The following RBFOX3 variants were observed in gnomAD, a reference collection of about 807,000 sequenced individuals.
RBFOX3 encodes the protein RNA binding fox-1 homolog 3, also known as RNA binding protein fox-1 homolog 3.
Under a neutral mutation model 48.7 loss-of-function variants are expected in RBFOX3, and 17 were observed. The observed-to-expected ratio is 0.35, with a 90% CI of 0.24 to 0.52. RBFOX3 has a LOEUF of 0.52. Ranked by LOEUF, RBFOX3 falls within the 20% of genes least tolerant of loss-of-function variation. The pLI, the probability that RBFOX3 is intolerant of heterozygous loss-of-function variation, is 0.94. For synonymous variants in RBFOX3, 212 were observed against 209.5 expected, an observed-to-expected ratio of 1.01 and a Z score of -0.10; for missense variants, 382 against 497.5, an observed-to-expected ratio of 0.77 and a Z score of 2.21.
In RBFOX3 at chr17:79,309,050, C is replaced by T. The variant is rs570615859; in HGVS notation, c.-174-1226G>A. Among the ~76,000 whole-genome samples the T allele has an allele frequency of 8.0e-5, 12 of 150,058 alleles. No homozygotes were observed. In the South Asian group the frequency reaches 1.1e-3, roughly 13 times the overall value. On this transcript the variant is annotated intron_variant, in intron 2 of 14. Transcript: ENST00000693108. ...TGAACCTGGGAGGCAGAGATTGCAGCGAGCTGAGATCACACCACCGCACTC... is the reference window on the plus strand; with the variant it reads ...TGAACCTGGGAGGCAGAGATTGCAGTGAGCTGAGATCACACCACCGCACTC...
rs1031821950 is a variant in RBFOX3 at position 79,532,101 on chromosome 17, G to A, written c.-319-49503C>T. On this transcript the variant is annotated intron_variant, in intron 1 of 14. Transcript: ENST00000693108. ...CTGCCGTGGATTCTTTTAGACCTTGGCCTCATTCCTTCTCAGGTGGCAGCG... is the reference window on the plus strand; with the variant it reads ...CTGCCGTGGATTCTTTTAGACCTTGACCTCATTCCTTCTCAGGTGGCAGCG... Among the ~76,000 whole-genome samples, 1,257 of 152,232 alleles carry A rather than the reference G, an allele frequency of 8.3e-3. 18 individuals carry two copies. The highest frequency in any genetic ancestry group is 0.029 in the African/African-American group (1,208 of 41,490).
At chr17:79,518,405 G>A (rs1337145722) in intron 1 of RBFOX3, among the ~76,000 whole-genome samples, 5 of 152,278 alleles carry the variant, frequency 3.3e-5, no homozygotes, top group African/African-American at 7.2e-5. Context: ...GGCGCCTCAC[G>A]GAAGCCCCTG....
At chr17:79,503,877 G>A (rs980594591) in intron 1 of RBFOX3, among the ~76,000 whole-genome samples, 22 of 152,216 alleles carry the variant, frequency 1.4e-4, no homozygotes, top group African/African-American at 4.3e-4. Flanking sequence ...AGAGCTCACA[G>A]GGGCTCCTGG....
chr17:79,412,585 C>A (rs965899712), intron 2 of RBFOX3, among the ~76,000 whole-genome samples: 1 of 149,564 alleles, frequency 6.7e-6, no homozygotes, highest in Non-Finnish European at 1.5e-5. Flanking sequence ...TGTGTATGCA[C>A]GTGTGTATAT....
chr17:79,412,582 G>A (rs529614034), intron 2 of RBFOX3, among the ~76,000 whole-genome samples: 16 of 151,440 alleles, frequency 1.1e-4, no homozygotes, highest in African/African-American at 1.9e-4. Flanking sequence ...GTGTGTGTAT[G>A]CACGTGTGTA....
At chr17:79,097,260 T>C (rs1599395633) in intron 11 of RBFOX3, 32 bp downstream of exon 11, 3 of 1,059,252 alleles carry the variant, frequency 2.8e-6, no homozygotes, top group Non-Finnish European at 2.4e-6. Flanking sequence ...TCCTACCCCC[T>C]CCTCCACGCC....
chr17:79,350,810 C>T (rs1340873134), intron 2 of RBFOX3, among the ~76,000 whole-genome samples: 4 of 152,188 alleles, frequency 2.6e-5, no homozygotes, highest in Non-Finnish European at 4.4e-5. Context: ...GCATGAATTG[C>T]GGGGAAAGAA....
Position 79,106,714 on chromosome 17 carries a change from C to T in RBFOX3, c.297G>A (p.Lys99=). 1.1e-5 allele frequency: 17 copies of T among 1,499,522 alleles called. No homozygotes were observed. The highest frequency in any genetic ancestry group is 1.5e-5 in the Non-Finnish European group (17 of 1,128,610). 92.9% of individuals were successfully genotyped at this position (1,499,522 alleles called of 1,614,324 possible). A position where few individuals can be genotyped will look rare whatever the true frequency, so the allele number is the denominator to read the frequency against. Residue 99 remains lysine (K), a synonymous_variant, in exon 6 of 15, where the codon AAG becomes AAA. Transcript: ENST00000693108. ...PSDPTEKQQP[K]RLHVSNIPFR... is the part of the protein sequence containing the mutation. ...AGGGGATGTTGGAGACGTGTAGCCG[C>T]TTGGGCTGCTGCTTCTCTGTAGGGT... is the stretch of plus-strand genomic sequence containing the variant.
chr17:79,318,896 A>G (rs1361381643), intron 2 of RBFOX3, among the ~76,000 whole-genome samples: 1 of 145,578 alleles, frequency 6.9e-6, no homozygotes, highest in African/African-American at 2.6e-5. Flanking sequence ...GGAGGGAGGG[A>G]TAGCATTTGG....
chr17:79,425,877 C>A (rs1307048267), intron 2 of RBFOX3, among the ~76,000 whole-genome samples: 1 of 152,200 alleles, frequency 6.6e-6, no homozygotes, highest in Non-Finnish European at 1.5e-5. Context: ...AGACCCCCTT[C>A]CAGGGATCTT....
intron 2 of RBFOX3, among the ~76,000 whole-genome samples, chr17:79,330,667 A>C (rs2146319873): frequency 6.6e-6 from 1 of 152,008 alleles, no homozygotes; most frequent in South Asian, 2.1e-4. Context: ...GACGGGCAAA[A>C]TCCAGCCCCA....
chr17:79,565,489 A>G (rs1336101101), intron 1 of RBFOX3, among the ~76,000 whole-genome samples: 7 of 151,916 alleles, frequency 4.6e-5, no homozygotes, highest in African/African-American at 1.7e-4. Flanking sequence ...ACAGGCATGC[A>G]CTACCACACC....
At chr17:79,646,560 G>C in the RBFOX3 span, among the ~76,000 whole-genome samples, 4 of 152,162 alleles carry the variant, frequency 2.6e-5, no homozygotes, top group African/African-American at 9.7e-5. Context: ...ATCAGCTGTT[G>C]TGAGACTTAT....
intron 4 of RBFOX3, among the ~76,000 whole-genome samples, chr17:79,209,820 C>T (rs765257277): frequency 4.0e-5 from 6 of 151,866 alleles, no homozygotes; most frequent in Admixed American, 2.6e-4. Context: ...GGTGAAACCC[C>T]GTCTCTACTA....
intron 4 of RBFOX3, among the ~76,000 whole-genome samples, chr17:79,225,008 G>A (rs2147554597): frequency 6.6e-6 from 1 of 152,318 alleles, no homozygotes; most frequent in South Asian, 2.1e-4. Context: ...GGCATGACTA[G>A]CATAGGGTTG....
the RBFOX3 span, among the ~76,000 whole-genome samples, chr17:79,649,259 T>A: frequency 6.6e-6 from 1 of 152,178 alleles, no homozygotes; most frequent in South Asian, 2.1e-4. Context: ...GGATTACAGG[T>A]GTGAGCCACC....
chr17:79,566,272 G>A (rs1228309589), intron 1 of RBFOX3, among the ~76,000 whole-genome samples: 6 of 152,184 alleles, frequency 3.9e-5, no homozygotes, highest in Admixed American at 2.0e-4. Context: ...GCGTAAGCAC[G>A]TCTTGCCATA....
chr17:79,644,992 T>A, the RBFOX3 span, among the ~76,000 whole-genome samples: 1 of 152,302 alleles, frequency 6.6e-6, no homozygotes, highest in South Asian at 2.1e-4. Flanking sequence ...CCTGTAGTTA[T>A]CCTCACCTCC....
intron 1 of RBFOX3, chr17:79,600,953 A>G (rs1172271251): frequency 3.3e-5 from 5 of 152,546 alleles, no homozygotes; most frequent in African/African-American, 1.2e-4. Flanking sequence ...GGAGTGAGGA[A>G]GGGGAACGCA....
Sources: allele counts gnomAD v4.1 joint callset (sites outside exome capture counted in the v4.1 genomes callset), GRCh38; gene constraint gnomAD v4.1.1; transcripts MANE v1.5; gene names NCBI Gene and HGNC (gene_info 2026-07-23, HGNC 2026-07-21).